The following WWOX variants were observed in gnomAD, a reference collection of about 807,000 sequenced individuals.
WWOX encodes WW domain containing oxidoreductase.
In WWOX, 69 loss-of-function variants were observed where a neutral mutation model predicts 46.2. The ratio of observed to expected loss-of-function variants is 1.49; its 90% CI spans 1.23 to 1.82. The LOEUF (loss-of-function observed/expected upper bound fraction) is 1.82. Among genes scored for constraint, WWOX ranks in the 40% most tolerant of loss-of-function variants. WWOX has a pLI of 0.00. For missense variants in WWOX, 919 were observed against 542.6 expected, an observed-to-expected ratio of 1.69 and a Z score of -6.89; for synonymous variants, 359 against 202.6, an observed-to-expected ratio of 1.77 and a Z score of -6.56.
chr16:79,180,733 G>C (rs1490277955), intron 8 of WWOX, among the ~76,000 whole-genome samples: 1 of 151,160 alleles, frequency 6.6e-6, no homozygotes, highest in Admixed American at 6.6e-5. Context: ...CTGTCTATCT[G>C]TCTGTGTATA....
chr16:79,013,072 A>G (rs2047344113), intron 8 of WWOX, among the ~76,000 whole-genome samples: 1 of 152,188 alleles, frequency 6.6e-6, no homozygotes, highest in South Asian at 2.1e-4. Flanking sequence ...CCGTTTCACA[A>G]AAAAAGGAAA....
At chr16:78,853,721 G>A (rs1200856589) in intron 8 of WWOX, among the ~76,000 whole-genome samples, 1 of 152,060 alleles carries the variant, frequency 6.6e-6, no homozygotes, top group Non-Finnish European at 1.5e-5. Context: ...GGTGTAGTGG[G>A]CTTCCTGTTA....
intron 8 of WWOX, among the ~76,000 whole-genome samples, chr16:79,115,233 C>G (rs900962758): frequency 3.9e-5 from 6 of 152,218 alleles, no homozygotes; most frequent in African/African-American, 9.6e-5. Context: ...CTGGAATTCT[C>G]TCTAACAATC....
chr16:78,427,345 G>T (rs1291168315), intron 7 of WWOX, among the ~76,000 whole-genome samples: 1 of 152,152 alleles, frequency 6.6e-6, no homozygotes, highest in East Asian at 1.9e-4. Context: ...CAACTGAATT[G>T]AGTTTCTGCA....
intron 8 of WWOX, among the ~76,000 whole-genome samples, chr16:78,753,813 A>AG (rs1567537364): frequency 1.2e-5 from 1 of 80,668 alleles, no homozygotes; most frequent in East Asian, 3.4e-4. Context: ...AAAAAAAAAA[A>AG]AAAAAAAAAA....
intron 8 of WWOX, among the ~76,000 whole-genome samples, chr16:79,098,206 C>T (rs1344055421): frequency 1.3e-5 from 2 of 152,174 alleles, no homozygotes; most frequent in African/African-American, 4.8e-5. Context: ...TCCAGAGAGA[C>T]ATTCATTTGA....
At chr16:79,162,973 G>T (rs2050516401) in intron 8 of WWOX, among the ~76,000 whole-genome samples, 1 of 152,206 alleles carries the variant, frequency 6.6e-6, no homozygotes, top group African/African-American at 2.4e-5. Context: ...AGTCCTTATG[G>T]ATAGATTTAG....
chr16:79,149,508 A>G (rs1370561289), intron 8 of WWOX, among the ~76,000 whole-genome samples: 3 of 152,178 alleles, frequency 2.0e-5, no homozygotes, highest in African/African-American at 7.2e-5. Context: ...AGGAAAGCAT[A>G]CTGTTTGTTG....
At chr16:78,982,295 C>T (rs1288537510) in intron 8 of WWOX, among the ~76,000 whole-genome samples, 3 of 152,130 alleles carry the variant, frequency 2.0e-5, no homozygotes, top group Non-Finnish European at 2.9e-5. Flanking sequence ...ACTTTGAAAG[C>T]GTGATTTTGA....
intron 8 of WWOX, among the ~76,000 whole-genome samples, chr16:78,636,959 C>T (rs1406627086): frequency 6.6e-6 from 1 of 152,150 alleles, no homozygotes; most frequent in Non-Finnish European, 1.5e-5. Flanking sequence ...GGTTTGGACG[C>T]GTTCCCCTTG....
chr16:78,296,211 T>C (rs2151863761), intron 5 of WWOX, among the ~76,000 whole-genome samples: 1 of 152,292 alleles, frequency 6.6e-6, no homozygotes, highest in East Asian at 1.9e-4. Context: ...TTCTTCACTC[T>C]ATCTGTATTG....
At chr16:78,305,634 TA>T (rs367847970) in intron 5 of WWOX, among the ~76,000 whole-genome samples, 67 of 146,000 alleles carry the variant, frequency 4.6e-4, no homozygotes, top group South Asian at 1.3e-3. Context: ...AGGAGCACTT[TA>T]AAAAAAAAAA....
intron 8 of WWOX, among the ~76,000 whole-genome samples, chr16:79,053,551 T>G (rs2048208533): frequency 6.6e-6 from 1 of 152,228 alleles, no homozygotes; most frequent in Non-Finnish European, 1.5e-5. Context: ...GAGTGGATAT[T>G]TAATCTTTTT....
intron 5 of WWOX, among the ~76,000 whole-genome samples, chr16:78,228,947 G>A (rs2037158885): frequency 6.6e-6 from 1 of 152,164 alleles, no homozygotes; most frequent in South Asian, 2.1e-4. Flanking sequence ...CTAACAGGAA[G>A]CTCCATGTCC....
chr16:78,493,709 A>C (rs2084842382), intron 8 of WWOX, among the ~76,000 whole-genome samples: 1 of 152,162 alleles, frequency 6.6e-6, no homozygotes, highest in Admixed American at 6.5e-5. Flanking sequence ...ACGTAAATGG[A>C]ACCCTCGCAA....
intron 8 of WWOX, among the ~76,000 whole-genome samples, chr16:79,177,403 G>A (rs913288806): frequency 6.6e-6 from 1 of 151,984 alleles, no homozygotes; most frequent in Non-Finnish European, 1.5e-5. Context: ...GTTTGGATAT[G>A]CATTTATCCA....
intron 8 of WWOX, among the ~76,000 whole-genome samples, chr16:79,181,371 ATAT>A (rs2150787062): frequency 6.6e-6 from 1 of 152,166 alleles, no homozygotes; most frequent in South Asian, 2.1e-4. Context: ...TTCAATTTTG[ATAT>A]TATTGTTGTT....
chr16:78,725,758 C>T (rs570528931), intron 8 of WWOX, among the ~76,000 whole-genome samples: 1 of 152,198 alleles, frequency 6.6e-6, no homozygotes, highest in South Asian at 2.1e-4. Context: ...CACGTTCTTT[C>T]TGAAGGCTCC....
chr16:79,141,649 C>T (rs1028774164), intron 8 of WWOX, among the ~76,000 whole-genome samples: 1 of 152,156 alleles, frequency 6.6e-6, no homozygotes, highest in East Asian at 1.9e-4. Flanking sequence ...ATGACAGTTT[C>T]TTGTTCATAT....
Sources: gnomAD v4.1 joint callset for allele counts (sites outside exome capture counted in the v4.1 genomes callset) on GRCh38, gnomAD v4.1.1 for gene constraint, MANE v1.5 for transcripts, NCBI Gene and HGNC (gene_info 2026-07-23, HGNC 2026-07-21) for gene names.